The following SLC8A1 variants were observed in gnomAD, a reference collection of about 807,000 sequenced individuals.
SLC8A1 encodes solute carrier family 8 member A1, also known as sodium/calcium exchanger 1.
SLC8A1 carries 18 observed loss-of-function variants against 68.3 expected under a neutral mutation model. The ratio of observed to expected loss-of-function variants is 0.26; its 90% CI spans 0.18 to 0.39. The LOEUF (loss-of-function observed/expected upper bound fraction) is 0.39, where lower values mean the gene tolerates loss of function less well. Ranked by LOEUF, SLC8A1 falls within the 10% of genes least tolerant of loss-of-function variation. The pLI is 1.00. For missense variants in SLC8A1, 985 were observed against 1,156.7 expected, an observed-to-expected ratio of 0.85 and a Z score of 2.15; for synonymous variants, 475 against 415.5, an observed-to-expected ratio of 1.14 and a Z score of -1.74.
intron 2 of SLC8A1, among the ~76,000 whole-genome samples, chr2:40,236,636 T>C (rs1189760531): frequency 6.6e-6 from 1 of 151,992 alleles, no homozygotes; most frequent in Non-Finnish European, 1.5e-5. Flanking sequence ...AATTTGATCC[T>C]GTCATTATGA....
chr2:40,130,451 G>A (rs1253047476), intron 7 of SLC8A1, among the ~76,000 whole-genome samples: 1 of 152,242 alleles, frequency 6.6e-6, no homozygotes, highest in Non-Finnish European at 1.5e-5. Context: ...GCTAAAGTGA[G>A]GTTAAGATAA....
intron 1 of SLC8A1, among the ~76,000 whole-genome samples, chr2:40,459,490 TTGTACCA>T (rs763944187): frequency 2.6e-5 from 4 of 152,208 alleles, no homozygotes; most frequent in Non-Finnish European, 4.4e-5. Context: ...GCCATATGAC[TTGTACCA>T]CTGCGTTTTG....
At chr2:40,412,307 T>A (rs909404587) in intron 2 of SLC8A1, among the ~76,000 whole-genome samples, 4 of 152,166 alleles carry the variant, frequency 2.6e-5, no homozygotes, top group African/African-American at 9.7e-5. Flanking sequence ...ACCTCACATA[T>A]AACTAGTTTT....
intron 2 of SLC8A1, among the ~76,000 whole-genome samples, chr2:40,204,316 C>T (rs1252778931): frequency 6.6e-6 from 1 of 151,996 alleles, no homozygotes; most frequent in Admixed American, 6.6e-5. Flanking sequence ...CTGTAAGCCC[C>T]TTAAGAGCAT....
At chr2:40,471,268 G>GT (rs565472802) in intron 1 of SLC8A1, among the ~76,000 whole-genome samples, 82 of 152,204 alleles carry the variant, frequency 5.4e-4, no homozygotes, top group African/African-American at 1.3e-3. Flanking sequence ...TGGACCCAGG[G>GT]TTTTTTTACT....
At chr2:40,355,755 A>C (rs929659439) in intron 2 of SLC8A1, among the ~76,000 whole-genome samples, 1 of 152,104 alleles carries the variant, frequency 6.6e-6, no homozygotes, top group African/African-American at 2.4e-5. Flanking sequence ...TGTCAGTATA[A>C]ACTCACCAGT....
chr2:40,248,329 G>C (rs1204322463), intron 2 of SLC8A1, among the ~76,000 whole-genome samples: 1 of 152,146 alleles, frequency 6.6e-6, no homozygotes, highest in African/African-American at 2.4e-5. Flanking sequence ...CAGGGTGATG[G>C]GATGAGAAGG....
chr2:40,428,406 T>C, intron 2 of SLC8A1, 67 bp downstream of exon 2: 1 of 1,433,184 alleles, frequency 7.0e-7, no homozygotes, highest in Non-Finnish European at 9.1e-7. Context: ...CAGACTCACA[T>C]TCATAAACAC....
At chr2:40,397,920 G>T (rs1432999285) in intron 2 of SLC8A1, among the ~76,000 whole-genome samples, 3 of 152,186 alleles carry the variant, frequency 2.0e-5, no homozygotes, top group African/African-American at 7.2e-5. Flanking sequence ...TTGGGTAGCT[G>T]CTGCCTTATG....
chr2:40,440,005 T>A (rs1201229210), intron 1 of SLC8A1, among the ~76,000 whole-genome samples: 1 of 152,082 alleles, frequency 6.6e-6, no homozygotes, highest in African/African-American at 2.4e-5. Flanking sequence ...ACTTTAAAAA[T>A]GAAACTCACC....
In SLC8A1 at chr2:40,200,227, T is replaced by TATAA. The variant is rs2054018902; in HGVS notation, c.1809-22373_1809-22372insTTAT. On this transcript the variant is annotated intron_variant, in intron 2 of 7. Coordinates refer to ENST00000406785, the Ensembl canonical transcript of SLC8A1. Reference sequence around the variant, plus strand: ...ATATAAATATATATATATTTTTTTATATATATATATAAATATATATATATA... The same window carrying TATAA: ...ATATAAATATATATATATTTTTTTATATAAATATATATATAAATATATATATATA... Among the ~76,000 whole-genome samples, 14 of 28,138 alleles carry TATAA rather than the reference T, an allele frequency of 5.0e-4. 2 individuals carry two copies. Among genetic ancestry groups the TATAA allele is most frequent in the South Asian group, 1.5e-3 (1 of 670 alleles). 18.5% of individuals were successfully genotyped at this position (28,138 alleles called of 152,430 possible). A position where few individuals can be genotyped will look rare whatever the true frequency, so the allele number is the denominator to read the frequency against.
intron 4 of SLC8A1, among the ~76,000 whole-genome samples, chr2:40,171,364 T>C (rs751857774): frequency 2.0e-5 from 3 of 152,222 alleles, no homozygotes; most frequent in Admixed American, 6.5e-5. Flanking sequence ...ATAGGTATAC[T>C]GACTGATTTT....
At position 40,383,394 on chromosome 2, in the gene SLC8A1, T is replaced by A. The variant is rs192106820; in HGVS notation, c.1808+45079A>T. Among the ~76,000 whole-genome samples, 89 of 152,206 alleles carry A rather than the reference T, an allele frequency of 5.8e-4. No homozygotes were observed. The East Asian group carries it at 0.012, about 20-fold the overall frequency. On this transcript the variant is annotated intron_variant, in intron 2 of 7. Transcript: ENST00000406785. ...CCTTCGCCATGTTTATAAGAAACATTTGACACAGGAACCATCCCAAAGACA... is the reference window on the plus strand; with the variant it reads ...CCTTCGCCATGTTTATAAGAAACATATGACACAGGAACCATCCCAAAGACA...
chr2:40,126,683 A>T (rs1393710040), intron 7 of SLC8A1, among the ~76,000 whole-genome samples: 1 of 152,186 alleles, frequency 6.6e-6, no homozygotes, highest in East Asian at 1.9e-4. Context: ...TTAGTAGTGT[A>T]CAAAGTCAAA....
intron 2 of SLC8A1, among the ~76,000 whole-genome samples, chr2:40,244,786 C>G (rs1203844389): frequency 6.6e-6 from 1 of 152,064 alleles, no homozygotes; most frequent in Non-Finnish European, 1.5e-5. Context: ...GTTAGCAGAG[C>G]AGCCACTGGA....
chr2:40,243,031 C>T (rs184439078), intron 2 of SLC8A1, among the ~76,000 whole-genome samples: 273 of 152,288 alleles, frequency 1.8e-3, no homozygotes, highest in African/African-American at 6.1e-3. Flanking sequence ...CTTCACCAAA[C>T]GTGGATACGA....
rs970616164 is a variant in SLC8A1 at position 40,333,766 on chromosome 2, TG to T, written c.1808+94706del. On this transcript the variant is annotated intron_variant, in intron 2 of 7. Coordinates refer to ENST00000406785, the Ensembl canonical transcript of SLC8A1. ...AATCATCACACAAAAAATATCAATA[TG>T]GGCTGGGCGCAGTAGCTCACGCCAG... Among the ~76,000 whole-genome samples, 22 of 152,260 alleles carry T rather than the reference TG, an allele frequency of 1.4e-4. No individual in the cohort carries two copies. The East Asian group carries it at 4.1e-3, about 28-fold the overall frequency.
intron 2 of SLC8A1, among the ~76,000 whole-genome samples, chr2:40,296,443 C>G (rs2149251039): frequency 6.6e-6 from 1 of 152,256 alleles, no homozygotes; most frequent in Admixed American, 6.5e-5. Flanking sequence ...ATATAGAAGG[C>G]TAAAAACACT....
At chr2:40,146,304 C>G (rs1294055576) in intron 6 of SLC8A1, among the ~76,000 whole-genome samples, 2 of 152,064 alleles carry the variant, frequency 1.3e-5, no homozygotes, top group East Asian at 1.9e-4. Context: ...ATTTCTCTGC[C>G]GAATGGTTAC....
Sources: allele counts gnomAD v4.1 joint callset (sites outside exome capture counted in the v4.1 genomes callset), GRCh38; gene constraint gnomAD v4.1.1; transcripts MANE v1.5; gene names NCBI Gene and HGNC (gene_info 2026-07-23, HGNC 2026-07-21).